The following BIRC2 variants were observed in gnomAD, a reference collection of about 807,000 sequenced individuals.
The protein encoded by BIRC2 is baculoviral IAP repeat containing 2.
A neutral mutation model predicts 60.9 loss-of-function variants in BIRC2; 18 were observed. That is an observed-to-expected ratio of 0.30 (90% confidence interval 0.20 to 0.44). The LOEUF is 0.44. Ranked by LOEUF, BIRC2 falls within the 20% of genes least tolerant of loss-of-function variation. The pLI, the probability that BIRC2 is intolerant of heterozygous loss-of-function variation, is 1.00. For missense variants in BIRC2, 701 were observed against 728.5 expected (o/e 0.96, Z 0.43); for synonymous variants, 282 against 247.7 (o/e 1.14, Z -1.30).
chr11:102,366,337 G>A lies in BIRC2; in HGVS notation c.1124-1969G>A, dbSNP rs35686234. On this transcript the variant is annotated intron_variant, in intron 5 of 8. Transcript: ENST00000227758. ...TTTCATTTCTGTCTTCATAACATATGCCAAATCTGACTACATCTCACCATC... is the reference window on the plus strand; with the variant it reads ...TTTCATTTCTGTCTTCATAACATATACCAAATCTGACTACATCTCACCATC... Among the ~76,000 whole-genome samples, 1,247 of 150,764 alleles carry A rather than the reference G, an allele frequency of 8.3e-3. 19 individuals are homozygous for A. Among genetic ancestry groups the A allele is most frequent in the African/African-American group, 0.027 (1,128 of 41,108 alleles).
intron 6 of BIRC2, among the ~76,000 whole-genome samples, chr11:102,372,899 T>G (rs1340951253): frequency 2.8e-5 from 4 of 145,334 alleles, no homozygotes; most frequent in African/African-American, 1.0e-4. Context: ...TCTTGTTGAA[T>G]TGATCCCTTT....
At chr11:102,368,976 G>A (rs1246610447) in intron 6 of BIRC2, among the ~76,000 whole-genome samples, 1 of 151,514 alleles carries the variant, frequency 6.6e-6, no homozygotes, top group African/African-American at 2.4e-5. Flanking sequence ...TCCTTGCTAA[G>A]TGATCCTCAT....
intron 6 of BIRC2, among the ~76,000 whole-genome samples, chr11:102,372,279 C>A (rs1951641715): frequency 6.6e-6 from 1 of 152,176 alleles, no homozygotes; most frequent in Non-Finnish European, 1.5e-5. Flanking sequence ...AATTTTAGAT[C>A]TTTCCTGCTT....
intron 3 of BIRC2, among the ~76,000 whole-genome samples, chr11:102,353,935 G>C (rs1021721805): frequency 1.3e-5 from 2 of 151,966 alleles, no homozygotes; most frequent in Non-Finnish European, 2.9e-5. Flanking sequence ...CGGAGGACTG[G>C]TTCTAGGACC....
intron 5 of BIRC2, among the ~76,000 whole-genome samples, chr11:102,366,271 T>C (rs1294628255): frequency 6.6e-6 from 1 of 152,178 alleles, no homozygotes; most frequent in Non-Finnish European, 1.5e-5. Context: ...CTCTGATTCC[T>C]CTCCTTCCTT....
At position 102,364,172 on chromosome 11, in the gene BIRC2, T is replaced by TATATATATATATATATATATAC. The variant is rs1351743517; in HGVS notation, c.1123+459_1123+460insTATATATATATATATATACATA. Among the ~76,000 whole-genome samples the TATATATATATATATATATATAC allele has an allele frequency of 1.0e-4, 9 of 89,714 alleles. No homozygotes were observed. The East Asian group carries it at 1.4e-3, about 14-fold the overall frequency. The allele number at this position is 89,714 out of a possible 152,430, so 58.9% of individuals were successfully genotyped here. The stretch of plus-strand genomic sequence containing the variant: ...ATATATATATATATATATATATATA[T>TATATATATATATATATATATAC]ATACACACACACACAGAGAGAGAGA... On this transcript the variant is annotated intron_variant, in intron 5 of 8. Transcript: ENST00000227758.
chr11:102,353,356 C>T (rs1951384628), intron 3 of BIRC2, among the ~76,000 whole-genome samples: 1 of 152,102 alleles, frequency 6.6e-6, no homozygotes, highest in Non-Finnish European at 1.5e-5. Context: ...GACAGTGTCT[C>T]ATTCCATCAC....
At chr11:102,364,382 T>A (rs971847584) in intron 5 of BIRC2, among the ~76,000 whole-genome samples, 7 of 151,684 alleles carry the variant, frequency 4.6e-5, no homozygotes, top group African/African-American at 1.5e-4. Context: ...TAATAAACCC[T>A]CCAGAAAAGA....
At chr11:102,358,102 G>A (rs571060706) in intron 3 of BIRC2, among the ~76,000 whole-genome samples, 10 of 152,198 alleles carry the variant, frequency 6.6e-5, no homozygotes, top group African/African-American at 2.2e-4. Flanking sequence ...AAAGATACTT[G>A]ATAGGATTTC....
intron 3 of BIRC2, 24 bp from the exon 4 acceptor site, chr11:102,362,872 A>G (rs1431574787): frequency 6.3e-7 from 1 of 1,578,974 alleles, no homozygotes; most frequent in Non-Finnish European, 8.7e-7. Flanking sequence ...AATTTTAAAA[A>G]ATAATTTTCC....
At chr11:102,377,420 T>C in intron 6 of BIRC2, 76 bp from the exon 7 acceptor site, 5 of 1,281,658 alleles carry the variant, frequency 3.9e-6, no homozygotes, top group Non-Finnish European at 5.3e-6. Context: ...TTTGTAGGGT[T>C]GGTTATTAGT....
At chr11:102,363,001 AT>A (rs1185657167) in intron 4 of BIRC2, 27 bp downstream of exon 4, 3 of 1,483,080 alleles carry the variant, frequency 2.0e-6, no homozygotes, top group Non-Finnish European at 2.8e-6. Flanking sequence ...AATTAACAAC[AT>A]TGAATTCTGC....
chr11:102,376,949 C>T (rs190808491), intron 6 of BIRC2, among the ~76,000 whole-genome samples: 14 of 152,002 alleles, frequency 9.2e-5, no homozygotes, highest in Admixed American at 5.3e-4. Flanking sequence ...GCAACTCAAA[C>T]CCTACAATAC....
chr11:102,350,771 A>G, intron 2 of BIRC2, 22 bp downstream of exon 2: 1 of 1,602,176 alleles, frequency 6.2e-7, no homozygotes, highest in Non-Finnish European at 8.5e-7. Flanking sequence ...ATAACTATAC[A>G]TTTTATCATT....
chr11:102,349,193 C>T lies in BIRC2; in HGVS notation c.-662C>T, dbSNP rs1951324212. ...TATAGCAGGCACAGGTTCAACAAAG[C>T]TTGTGGGTATTGACTTCCCCCAAAA... On this transcript the variant is annotated 5_prime_UTR_variant, in exon 2 of 9. Coordinates refer to ENST00000227758, the MANE Select transcript of BIRC2 (RefSeq NM_001166.5). 1 of 152,014 alleles carries T rather than the reference C, an allele frequency of 6.6e-6. No individual in the cohort carries two copies. The highest frequency in any genetic ancestry group is 1.5e-5 in the Non-Finnish European group (1 of 67,954). The allele number at this position is 152,014 out of a possible 1,614,324, so 9.4% of individuals were successfully genotyped here. A position where few individuals can be genotyped will look rare whatever the true frequency, so the allele number is the denominator to read the frequency against.
rs1951734660 is a variant in BIRC2, at chr11:102,378,031, C to T, written c.1705C>T (p.Arg569Ter). 1 of 1,611,690 alleles carries T rather than the reference C, an allele frequency of 6.2e-7. No individual in the cohort carries two copies. Among genetic ancestry groups the T allele is most frequent in the Non-Finnish European group, 8.5e-7 (1 of 1,179,140 alleles). Residue 569 changes from arginine (R) to a stop codon, truncating the protein, a stop_gained, in exon 9 of 9, where the codon CGA becomes TGA. Coordinates refer to ENST00000227758, the MANE Select transcript of BIRC2 (RefSeq NM_001166.5). LOFTEE classifies it high-confidence loss of function. ...ACAATTGAGGAGGTTGCAAGAAGAA[C>T]GAACTTGTAAAGTGTGTATGGACAA... is the stretch of plus-strand genomic sequence containing the variant. ...EEQLRRLQEERTCKVCMDKEV... is the reference protein window; with the variant it reads ...EEQLRRLQEE
chr11:102,348,249 C>CT (rs1951314499), intron 1 of BIRC2: 1 of 152,382 alleles, frequency 6.6e-6, no homozygotes, highest in Non-Finnish European at 1.5e-5. Flanking sequence ...GTCTGTCTGT[C>CT]TTTTTAACCA....
chr11:102,365,666 TC>T lies in BIRC2; in HGVS notation c.1123+1953del, dbSNP rs1325659439. Among the ~76,000 whole-genome samples, 3 of 152,122 alleles carry T rather than the reference TC, an allele frequency of 2.0e-5. No individual in the cohort carries two copies. The East Asian group carries it at 5.8e-4, about 29-fold the overall frequency. On this transcript the variant is annotated intron_variant, in intron 5 of 8. Transcript: ENST00000227758. ...ATCATGGCTCACTGCAGCCTTAACT[TC>T]CCTGGCTCAGGTGATTCTCTCACCT...
chr11:102,359,523 C>T (rs909002587), intron 3 of BIRC2, among the ~76,000 whole-genome samples: 1 of 152,144 alleles, frequency 6.6e-6, no homozygotes, highest in African/African-American at 2.4e-5. Context: ...TTGTAAGGCG[C>T]GTCCAGTGGT....
Sources: allele counts gnomAD v4.1 joint callset (sites outside exome capture counted in the v4.1 genomes callset), GRCh38; gene constraint gnomAD v4.1.1; transcripts MANE v1.5; gene names NCBI Gene and HGNC (gene_info 2026-07-23, HGNC 2026-07-21).